HECTD2: variants seen among roughly 807,000 people sequenced by gnomAD.
HECTD2 encodes probable E3 ubiquitin-protein ligase HECTD2.
HECTD2 carries 35 observed loss-of-function variants against 103.2 expected under a neutral mutation model. The observed-to-expected ratio is 0.34, with a 90% CI of 0.26 to 0.45. HECTD2 has a LOEUF of 0.45. Among genes scored for constraint, HECTD2 ranks in the 20% least tolerant of loss-of-function variants. The pLI, the probability that HECTD2 is intolerant of heterozygous loss-of-function variation, is 1.00. For missense variants in HECTD2, 596 were observed against 937.4 expected (o/e 0.64, Z 4.76); for synonymous variants, 281 against 329.9 (o/e 0.85, Z 1.61).
At chr10:91,422,231 C>T (rs550488325) in intron 1 of HECTD2, among the ~76,000 whole-genome samples, 1 of 152,242 alleles carries the variant, frequency 6.6e-6, no homozygotes, top group South Asian at 2.1e-4. Context: ...TCTTGCTGGA[C>T]CATTCTCCCT....
At chr10:91,476,563 G>A (rs996907752) in intron 5 of HECTD2, among the ~76,000 whole-genome samples, 1 of 152,170 alleles carries the variant, frequency 6.6e-6, no homozygotes, top group Non-Finnish European at 1.5e-5. Context: ...ACAGAGGCCA[G>A]AGCCCAGGCA....
chr10:91,426,255 A>G (rs747388627), intron 2 of HECTD2, among the ~76,000 whole-genome samples: 7 of 151,988 alleles, frequency 4.6e-5, no homozygotes, highest in Non-Finnish European at 1.0e-4. Flanking sequence ...ATCACGGGAA[A>G]TGTACATTAC....
chr10:91,445,244 C>A (rs1844548891), intron 2 of HECTD2, among the ~76,000 whole-genome samples: 1 of 152,056 alleles, frequency 6.6e-6, no homozygotes. Flanking sequence ...CCTGGCTAGC[C>A]AGCACAGATG....
chr10:91,430,738 C>T (rs1411128018), intron 2 of HECTD2, among the ~76,000 whole-genome samples: 1 of 151,998 alleles, frequency 6.6e-6, no homozygotes, highest in African/African-American at 2.4e-5. Flanking sequence ...CTTGGTAGAT[C>T]TTCCTCCCTC....
At chr10:91,459,274 C>G (rs1381668964) in intron 2 of HECTD2, among the ~76,000 whole-genome samples, 1 of 151,938 alleles carries the variant, frequency 6.6e-6, no homozygotes, top group African/African-American at 2.4e-5. Context: ...TGAAATGGTA[C>G]AGCCACTCTG....
rs11186597 is a variant in HECTD2 at position 91,514,614 on chromosome 10, A to G, written c.*2230A>G. The G allele has an allele frequency of 0.2, 30,559 of 152,516 alleles. 7,286 individuals carry two copies. The highest frequency in any genetic ancestry group is 0.58 in the African/African-American group (23,987 of 41,440). The allele number at this position is 152,516 out of a possible 1,614,324, so 9.4% of individuals were successfully genotyped here. On this transcript the variant is annotated 3_prime_UTR_variant, in exon 21 of 21. Coordinates refer to ENST00000298068, the MANE Select transcript of HECTD2 (RefSeq NM_182765.6). ...CAGTATTTATCAGTATTTTTTAAAC[A>G]TCCTGTCCTTTTTTAAAATCTTTGC...
Position 91,461,364 on chromosome 10 carries a change from T to G in HECTD2, c.510+8T>G, listed in dbSNP as rs1341597866. ...TTAAATGCTGCATTTAAGGTAATTA[T>G]ACATAAAACACACTTTTCATTTCAC... On this transcript the variant is annotated splice_region_variant and intron_variant, in intron 4 of 20. Coordinates refer to ENST00000298068, the MANE Select transcript of HECTD2 (RefSeq NM_182765.6). The G allele has an allele frequency of 8.0e-7, 1 of 1,254,970 alleles. No individual in the cohort carries two copies. The highest frequency in any genetic ancestry group is 1.4e-5 in the South Asian group (1 of 74,002). 77.7% of individuals were successfully genotyped at this position (1,254,970 alleles called of 1,614,324 possible).
rs765355366 is a variant in HECTD2, at chr10:91,410,546, C to T, written c.108C>T (p.Pro36=). ...GKESEREKLP[P]IVSAGAGATA... ...AGTCAGAGCGCGAGAAGCTGCCGCC[C>T]ATCGTATCGGCGGGCGCCGGCGCGA... Residue 36 remains proline (P), a synonymous_variant, in exon 1 of 21, where the codon CCC becomes CCT. Transcript: ENST00000298068. The T allele has an allele frequency of 3.4e-6, 5 of 1,462,562 alleles. No homozygotes were observed. Among genetic ancestry groups the T allele is most frequent in the Non-Finnish European group, 4.5e-6 (5 of 1,108,684 alleles). The allele number at this position is 1,462,562 out of a possible 1,614,324, so 90.6% of individuals were successfully genotyped here.
At chr10:91,435,266 A>G (rs1844066902) in intron 2 of HECTD2, among the ~76,000 whole-genome samples, 1 of 151,794 alleles carries the variant, frequency 6.6e-6, no homozygotes, top group Non-Finnish European at 1.5e-5. Context: ...CTGAGAAGCA[A>G]AGGACACCTC....
intron 10 of HECTD2, chr10:91,486,256 A>G (rs1470578972): frequency 6.6e-6 from 1 of 152,190 alleles, no homozygotes; most frequent in Non-Finnish European, 1.5e-5. Context: ...TCAGAACTGA[A>G]TAAGAATAAG....
intron 1 of HECTD2, among the ~76,000 whole-genome samples, chr10:91,416,324 A>G (rs1033476887): frequency 6.6e-6 from 1 of 152,224 alleles, no homozygotes; most frequent in Non-Finnish European, 1.5e-5. Flanking sequence ...ACCTTGTACA[A>G]AGCACTCAGT....
At chr10:91,435,639 G>A (rs1216383166) in intron 2 of HECTD2, among the ~76,000 whole-genome samples, 20 of 151,964 alleles carry the variant, frequency 1.3e-4, no homozygotes, top group Admixed American at 1.3e-3. Context: ...CTCTACCTCT[G>A]TCTCTGTCTC....
At chr10:91,432,212 GA>G (rs917299699) in intron 2 of HECTD2, among the ~76,000 whole-genome samples, 15 of 151,938 alleles carry the variant, frequency 9.9e-5, no homozygotes, top group Non-Finnish European at 1.9e-4. Context: ...TTTTTTCAAA[GA>G]TGCCTCATTC....
rs1195688175 is a variant in HECTD2, at chr10:91,410,510, G to A, written c.72G>A (p.Arg24=). ...LVVAAPAPEE[R]KGKESEREKL... is the part of the protein sequence containing the mutation. ...TGGCGGCGCCCGCGCCTGAGGAGAG[G>A]AAAGGGAAGGAGTCAGAGCGCGAGA... is the stretch of plus-strand genomic sequence containing the variant. The change falls in exon 1 of 21, where the codon AGG becomes AGA. Residue 24 remains arginine, a synonymous_variant. Transcript: ENST00000298068. 1 of 1,479,682 alleles carries A rather than the reference G, an allele frequency of 6.8e-7. No homozygotes were observed. Among genetic ancestry groups the A allele is most frequent in the Non-Finnish European group, 8.9e-7 (1 of 1,120,050 alleles). 91.7% of individuals were successfully genotyped at this position (1,479,682 alleles called of 1,614,324 possible). A position where few individuals can be genotyped will look rare whatever the true frequency, so the allele number is the denominator to read the frequency against.
chr10:91,459,527 T>A (rs1239147804), intron 2 of HECTD2, among the ~76,000 whole-genome samples: 3 of 152,058 alleles, frequency 2.0e-5, no homozygotes, highest in Non-Finnish European at 4.4e-5. Flanking sequence ...ACAACTTGGA[T>A]GAATCTCCAG....
At chr10:91,454,376 C>T (rs78316581) in intron 2 of HECTD2, among the ~76,000 whole-genome samples, 5,470 of 151,992 alleles carry the variant, frequency 0.036, 151 homozygotes, top group Non-Finnish European at 0.053. Flanking sequence ...AGGAGCATCT[C>T]CAAAATACTT....
chr10:91,471,719 A>G (rs1210781928), intron 5 of HECTD2, among the ~76,000 whole-genome samples: 4 of 152,204 alleles, frequency 2.6e-5, no homozygotes, highest in African/African-American at 9.6e-5. Context: ...AATAGCCACA[A>G]AAAGAATAAA....
chr10:91,506,830 A>T (rs1359121397), intron 20 of HECTD2, among the ~76,000 whole-genome samples: 1 of 151,432 alleles, frequency 6.6e-6, no homozygotes, highest in Non-Finnish European at 1.5e-5. Flanking sequence ...AAAAAAGAGA[A>T]TTTTAGACCA....
intron 1 of HECTD2, among the ~76,000 whole-genome samples, chr10:91,421,606 G>A (rs576465857): frequency 6.6e-6 from 1 of 152,338 alleles, no homozygotes; most frequent in South Asian, 2.1e-4. Flanking sequence ...GGGGCTGTGG[G>A]TTGGACAAGC....
Sources: gnomAD v4.1 joint callset for allele counts (sites outside exome capture counted in the v4.1 genomes callset) on GRCh38, gnomAD v4.1.1 for gene constraint, MANE v1.5 for transcripts, NCBI Gene and HGNC (gene_info 2026-07-23, HGNC 2026-07-21) for gene names.